The following OPCML variants were observed in gnomAD, a reference collection of about 807,000 sequenced individuals.
The protein encoded by OPCML is opioid-binding protein/cell adhesion molecule.
A neutral mutation model predicts 37.8 loss-of-function variants in OPCML; 13 were observed. That is an observed-to-expected ratio of 0.34 (90% CI 0.22 to 0.55). OPCML has a LOEUF of 0.55. OPCML is among the 20% of genes least tolerant of loss of function. The pLI, the probability that OPCML is intolerant of heterozygous loss-of-function variation, is 0.91. For missense variants in OPCML, 341 were observed against 435.6 expected, an observed-to-expected ratio of 0.78 and a Z score of 1.93; for synonymous variants, 176 against 168.8, an observed-to-expected ratio of 1.04 and a Z score of -0.33.
At chr11:132,961,654 A>G (rs1007260953) in intron 1 of OPCML, among the ~76,000 whole-genome samples, 1 of 152,240 alleles carries the variant, frequency 6.6e-6, no homozygotes, top group Non-Finnish European at 1.5e-5. Flanking sequence ...TGCAGAAGTT[A>G]GGTCAGCTCT....
chr11:132,871,583 C>T (rs543604119), intron 2 of OPCML, among the ~76,000 whole-genome samples: 4 of 152,142 alleles, frequency 2.6e-5, no homozygotes, highest in East Asian at 1.9e-4. Context: ...CCCATGGATG[C>T]GGCATAGCAC....
intron 1 of OPCML, among the ~76,000 whole-genome samples, chr11:133,038,512 T>C (rs1020248725): frequency 1.3e-5 from 2 of 152,200 alleles, no homozygotes; most frequent in African/African-American, 2.4e-5. Flanking sequence ...TTAATTTTTT[T>C]CCTAAATAAT....
chr11:133,276,839 A>G (rs915647322), intron 1 of OPCML, among the ~76,000 whole-genome samples: 5 of 151,986 alleles, frequency 3.3e-5, no homozygotes, highest in African/African-American at 1.2e-4. Flanking sequence ...CTTTGCCCCA[A>G]TTATTTTACT....
chr11:132,568,394 C>T (rs78733526), intron 3 of OPCML, among the ~76,000 whole-genome samples: 2,312 of 152,240 alleles, frequency 0.015, 61 homozygotes, highest in African/African-American at 0.053. Context: ...AAAGTTCTCC[C>T]CAGAATTTGT....
intron 3 of OPCML, among the ~76,000 whole-genome samples, chr11:132,624,264 T>G (rs1454077091): frequency 1.3e-5 from 2 of 152,132 alleles, no homozygotes; most frequent in East Asian, 1.9e-4. Flanking sequence ...ACTGAAGAGG[T>G]AGAACAAGTT....
At chr11:132,668,280 T>G (rs902138749) in intron 2 of OPCML, among the ~76,000 whole-genome samples, 1 of 152,198 alleles carries the variant, frequency 6.6e-6, no homozygotes, top group African/African-American at 2.4e-5. Flanking sequence ...TGAGAGTTCT[T>G]TATGAGGTTT....
At chr11:132,556,008 G>T (rs2096394685) in intron 3 of OPCML, among the ~76,000 whole-genome samples, 1 of 151,940 alleles carries the variant, frequency 6.6e-6, no homozygotes, top group Non-Finnish European at 1.5e-5. Flanking sequence ...GTGTGATCAT[G>T]GCCCACTGCA....
At chr11:132,609,241 T>G (rs377697402) in intron 3 of OPCML, among the ~76,000 whole-genome samples, 20 of 152,344 alleles carry the variant, frequency 1.3e-4, no homozygotes, top group African/African-American at 4.8e-4. Context: ...TTCACCCCAA[T>G]GACATAACAA....
chr11:133,263,070 A>G (rs1360122629), intron 1 of OPCML, among the ~76,000 whole-genome samples: 2 of 151,956 alleles, frequency 1.3e-5, no homozygotes, highest in Non-Finnish European at 2.9e-5. Flanking sequence ...GAATCTGAAA[A>G]CAAGTGGGTA....
chr11:133,072,528 C>A (rs1219368457), intron 1 of OPCML, among the ~76,000 whole-genome samples: 1 of 152,228 alleles, frequency 6.6e-6, no homozygotes, highest in African/African-American at 2.4e-5. Flanking sequence ...AAGGGAAATA[C>A]ATCTTCAGAC....
At chr11:132,804,405 T>C (rs1183416621) in intron 2 of OPCML, among the ~76,000 whole-genome samples, 2 of 152,152 alleles carry the variant, frequency 1.3e-5, no homozygotes, top group South Asian at 2.1e-4. Flanking sequence ...CCTCACAAGA[T>C]GCTCTGGGAG....
At chr11:133,073,042 C>T (rs192643799) in intron 1 of OPCML, among the ~76,000 whole-genome samples, 3 of 152,306 alleles carry the variant, frequency 2.0e-5, no homozygotes, top group Admixed American at 2.0e-4. Context: ...CATAGCGAAG[C>T]TGAGGTTCAA....
chr11:132,722,113 G>A (rs372982127), intron 2 of OPCML, among the ~76,000 whole-genome samples: 3 of 151,610 alleles, frequency 2.0e-5, no homozygotes, highest in East Asian at 3.9e-4. Flanking sequence ...CCACCATCAT[G>A]CCTGGCTAAT....
intron 1 of OPCML, among the ~76,000 whole-genome samples, chr11:132,998,043 G>A (rs1410029891): frequency 6.6e-6 from 1 of 152,106 alleles, no homozygotes; most frequent in African/African-American, 2.4e-5. Context: ...ATTGGGTTTG[G>A]CATAGTTCCG....
At chr11:132,855,135 G>T (rs1244838152) in intron 2 of OPCML, among the ~76,000 whole-genome samples, 1 of 152,172 alleles carries the variant, frequency 6.6e-6, no homozygotes, top group Non-Finnish European at 1.5e-5. Flanking sequence ...TATGGTCAAA[G>T]ATCTGTTCCT....
intron 3 of OPCML, among the ~76,000 whole-genome samples, chr11:132,603,180 ACT>A (rs1170272932): frequency 6.6e-6 from 1 of 151,536 alleles, no homozygotes; most frequent in African/African-American, 2.4e-5. Flanking sequence ...TCCAGCCTAG[ACT>A]CTCCCAGATT....
Position 133,441,227 on chromosome 11 carries a change from A to G in OPCML, c.61+91037T>C, listed in dbSNP as rs1345967709. Among the ~76,000 whole-genome samples the G allele has an allele frequency of 2.0e-5, 3 of 152,206 alleles. No individual in the cohort carries two copies. The East Asian group carries it at 5.8e-4, about 29-fold the overall frequency. ...CAGTAAAGTGCATTTGGAGAAGGAA[A>G]AAAAGCCCAAGAATGACATGAAAAT... On this transcript the variant is annotated intron_variant, in intron 1 of 7. Coordinates refer to ENST00000524381, the MANE Select transcript of OPCML (RefSeq NM_001012393.5).
chr11:132,977,638 C>T (rs1468179560), intron 1 of OPCML, among the ~76,000 whole-genome samples: 1 of 152,102 alleles, frequency 6.6e-6, no homozygotes, highest in African/African-American at 2.4e-5. Context: ...TATTTGGGAG[C>T]CCTGGGAGTT....
chr11:132,452,462 G>A (rs1565574431), intron 4 of OPCML, among the ~76,000 whole-genome samples: 1 of 151,796 alleles, frequency 6.6e-6, no homozygotes, highest in South Asian at 2.1e-4. Context: ...TAAAAGCTGT[G>A]ATCCACCAGC....
Sources: allele counts gnomAD v4.1 joint callset (sites outside exome capture counted in the v4.1 genomes callset), GRCh38; gene constraint gnomAD v4.1.1; transcripts MANE v1.5; gene names NCBI Gene and HGNC (gene_info 2026-07-23, HGNC 2026-07-21).